Variants in RSPH6A observed in about 807,000 individuals in gnomAD.
RSPH6A encodes radial spoke head 6 homolog A.
Under a neutral mutation model 66.1 loss-of-function variants are expected in RSPH6A, and 49 were observed. The observed-to-expected ratio is 0.74, with a 90% CI of 0.59 to 0.94. The LOEUF (loss-of-function observed/expected upper bound fraction) is 0.94, where lower values mean the gene tolerates loss of function less well. Among genes scored for constraint, RSPH6A ranks in the 40% least tolerant of loss-of-function variants. RSPH6A has a pLI of 0.00. For missense variants in RSPH6A, 977 were observed against 948.3 expected (o/e 1.03, Z -0.40); for synonymous variants, 419 against 402.4 (o/e 1.04, Z -0.49).
chr19:45,809,700 T>C (rs1970597240), intron 2 of RSPH6A, among the ~76,000 whole-genome samples: 1 of 151,416 alleles, frequency 6.6e-6, no homozygotes, highest in African/African-American at 2.4e-5. Flanking sequence ...AACAGGAGAG[T>C]CCTAGAGCAG....
chr19:45,800,666 G>A, intron 4 of RSPH6A, 103 bp from the exon 5 acceptor site: 1 of 929,324 alleles, frequency 1.1e-6, no homozygotes, highest in South Asian at 1.7e-5. Flanking sequence ...GAGGCCTGGA[G>A]GGGCATGAGG....
intron 3 of RSPH6A, among the ~76,000 whole-genome samples, chr19:45,803,900 G>A (rs1970504823): frequency 6.6e-6 from 1 of 151,378 alleles, no homozygotes; most frequent in East Asian, 1.9e-4. Context: ...GGCTGAGGCG[G>A]GACAATCGCT....
Position 45,804,841 on chromosome 19 carries a change from TA to T in RSPH6A, c.1063del (p.Tyr355ThrfsTer23). 1 of 1,614,106 alleles carries T rather than the reference TA, an allele frequency of 6.2e-7. No homozygotes were observed. Among genetic ancestry groups the T allele is most frequent in the Non-Finnish European group, 8.5e-7 (1 of 1,180,006 alleles). On this transcript the variant is annotated frameshift_variant, in exon 3 of 6. Transcript: ENST00000221538. LOFTEE classifies it high-confidence loss of function. The surrounding 1 kb of genome is among the most constrained non-coding windows in gnomAD (Gnocchi z 5.8). ...CCGGAATTCCACCTCGGCCACCAGG[TA>T]GCTGCGTTTGATTCCCAGGATCTTG... The part of the protein sequence containing the change: ...WGKILGIKRS[Y>X]LVAEVEFREG...
At position 45,801,988 on chromosome 19, in the gene RSPH6A, T is replaced by C. The variant is rs1970479543; in HGVS notation, c.1798+132A>G. On this transcript the variant is annotated intron_variant, in intron 4 of 5. Coordinates refer to ENST00000221538, the MANE Select transcript of RSPH6A (RefSeq NM_030785.4). ...GATGGGGCCACTGTGATTACACCCA[T>C]TTTTTAGCTGAGAGAGCCTCTGAGC... The C allele has an allele frequency of 3.2e-6, 3 of 927,168 alleles. No homozygotes were observed. The South Asian group carries it at 1.3e-4, about 41-fold the overall frequency. 57.4% of individuals were successfully genotyped at this position (927,168 alleles called of 1,614,324 possible). A position where few individuals can be genotyped will look rare whatever the true frequency, so the allele number is the denominator to read the frequency against.
rs202212190 is a variant in RSPH6A, at chr19:45,814,702, C to T, written c.475G>A (p.Glu159Lys). ...ATGTAAGGCCCGTGCTGGGCACCTTCAGAGAACTGGTCTGTCTGGTAGAGG... is the reference window on the plus strand; with the variant it reads ...ATGTAAGGCCCGTGCTGGGCACCTTTAGAGAACTGGTCTGTCTGGTAGAGG... ...FNLYQTDQFS[E>K]GAQHGPYIRD... Residue 159 changes from glutamate (E) to lysine (K), a missense_variant, in exon 1 of 6, where the codon GAA becomes AAA. Transcript: ENST00000221538. 6 of 1,612,978 alleles carry T rather than the reference C, an allele frequency of 3.7e-6. No individual in the cohort carries two copies. The highest frequency in any genetic ancestry group is 4.2e-6 in the Non-Finnish European group (5 of 1,179,508).
chr19:45,814,878 G>C lies in RSPH6A; in HGVS notation c.299C>G (p.Pro100Arg). The change falls in exon 1 of 6, where the codon CCT (proline) becomes CGT (arginine). Residue 100 changes from proline (P) to arginine (R), a missense_variant. Coordinates refer to ENST00000221538, the MANE Select transcript of RSPH6A (RefSeq NM_030785.4). ...CCTGCTTTCATCAGAGTAAGGCTGA[G>C]GCTGGAACTCTGAGGGAAAGCCCGT... ...VNTGFPSEFQ[P>R]QPYSDESRMQ... 1 of 1,614,138 alleles carries C rather than the reference G, an allele frequency of 6.2e-7. No homozygotes were observed. The highest frequency in any genetic ancestry group is 8.5e-7 in the Non-Finnish European group (1 of 1,180,040).
At chr19:45,805,321 G>A (rs371556900) in intron 2 of RSPH6A, among the ~76,000 whole-genome samples, 4 of 151,800 alleles carry the variant, frequency 2.6e-5, no homozygotes, top group Non-Finnish European at 2.9e-5. Flanking sequence ...CACTTGAACC[G>A]GGGAGGCGGA....
At chr19:45,814,300 G>C (rs1055310279) in intron 1 of RSPH6A, among the ~76,000 whole-genome samples, 2 of 152,234 alleles carry the variant, frequency 1.3e-5, no homozygotes, top group African/African-American at 4.8e-5. Flanking sequence ...AGTAGGATGA[G>C]CTGATGTGCT....
intron 1 of RSPH6A, 162 bp from the exon 2 acceptor site, chr19:45,811,002 A>G (rs1970620405): frequency 4.0e-6 from 2 of 495,250 alleles, no homozygotes; most frequent in Admixed American, 7.6e-5. Context: ...ATTTTTATTT[A>G]TTTAGTTTTT....
At chr19:45,802,079 C>T in intron 4 of RSPH6A, 41 bp downstream of exon 4, 2 of 1,358,772 alleles carry the variant, frequency 1.5e-6, no homozygotes, top group South Asian at 2.2e-5. Context: ...CTTCCCAGCC[C>T]TCCCCAGCCA....
At chr19:45,803,386 G>GA (rs996426725) in intron 3 of RSPH6A, among the ~76,000 whole-genome samples, 119 of 148,044 alleles carry the variant, frequency 8.0e-4, no homozygotes, top group African/African-American at 2.6e-3. Flanking sequence ...TGTCTTAAAA[G>GA]AAAAAAAAAG....
Position 45,812,790 on chromosome 19 carries a change from G to T in RSPH6A, c.650+1737C>A, listed in dbSNP as rs563638384. Among the ~76,000 whole-genome samples, 5 of 152,006 alleles carry T rather than the reference G, an allele frequency of 3.3e-5. No individual in the cohort carries two copies. The East Asian group carries it at 9.7e-4, about 30-fold the overall frequency. ...GGCTCACTGCAGCCTCTGCCTCCCGGTTCAAGTGATTCTCCTGCCTCAGCC... is the reference window on the plus strand; with the variant it reads ...GGCTCACTGCAGCCTCTGCCTCCCGTTTCAAGTGATTCTCCTGCCTCAGCC... On this transcript the variant is annotated intron_variant, in intron 1 of 5. Coordinates refer to ENST00000221538, the MANE Select transcript of RSPH6A (RefSeq NM_030785.4).
chr19:45,808,985 T>C (rs1327210102), intron 2 of RSPH6A, among the ~76,000 whole-genome samples: 1 of 144,304 alleles, frequency 6.9e-6, no homozygotes, highest in Non-Finnish European at 1.5e-5. Flanking sequence ...TCAAAACTTT[T>C]CTTTTTTTTG....
At chr19:45,798,838 CAAA>C (rs71338800) in intron 5 of RSPH6A, among the ~76,000 whole-genome samples, 3 of 77,396 alleles carry the variant, frequency 3.9e-5, no homozygotes, top group African/African-American at 4.9e-5. Flanking sequence ...GACTCTATCT[CAAA>C]AAAAAAAAAA....
intron 5 of RSPH6A, among the ~76,000 whole-genome samples, chr19:45,798,849 AAAAG>A (rs1195555113): frequency 5.9e-5 from 9 of 151,854 alleles, no homozygotes; most frequent in African/African-American, 1.7e-4. Flanking sequence ...AAAAAAAAAA[AAAAG>A]AAAGAAAAGA....
Position 45,802,267 on chromosome 19 carries a change from G to C in RSPH6A, c.1654-3C>G, listed in dbSNP as rs778593684. Reference sequence around the variant, plus strand: ...GGGTTCACCCAAGTGCAGCGGCCCTGGGGGTGGGGGGAAGCTCAGGTGATG... The same window carrying C: ...GGGTTCACCCAAGTGCAGCGGCCCTCGGGGTGGGGGGAAGCTCAGGTGATG... On this transcript the variant is annotated splice_region_variant and splice_polypyrimidine_tract_variant and intron_variant, in intron 3 of 5. Coordinates refer to ENST00000221538, the MANE Select transcript of RSPH6A (RefSeq NM_030785.4). 2.2e-6 allele frequency: 3 copies of C among 1,379,848 alleles called. No homozygotes were observed. The highest frequency in any genetic ancestry group is 2.9e-6 in the Non-Finnish European group (3 of 1,051,368). The allele number at this position is 1,379,848 out of a possible 1,614,324, so 85.5% of individuals were successfully genotyped here.
In RSPH6A at chr19:45,810,559, C is replaced by T. The variant is rs868625314; in HGVS notation, c.888+44G>A. The T allele has an allele frequency of 3.8e-6, 6 of 1,565,946 alleles. No individual in the cohort carries two copies. In the African/African-American group the frequency reaches 4.1e-5, roughly 11 times the overall value. On this transcript the variant is annotated intron_variant, in intron 2 of 5. Coordinates refer to ENST00000221538, the MANE Select transcript of RSPH6A (RefSeq NM_030785.4). The stretch of plus-strand genomic sequence containing the variant: ...GGCTGTGCCCTAAGTATGCTTGGGC[C>T]CCCACTGACCCTGATGCCCACCTCT...
At position 45,814,727 on chromosome 19, in the gene RSPH6A, G is replaced by A. The variant is rs766306881; in HGVS notation, c.450C>T (p.Asn150=). 5.6e-6 allele frequency: 9 copies of A among 1,613,800 alleles called. No individual in the cohort carries two copies. The highest frequency in any genetic ancestry group is 6.8e-6 in the Non-Finnish European group (8 of 1,179,862). Residue 150 remains asparagine (N), a synonymous_variant, in exon 1 of 6, where the codon AAC becomes AAT. Transcript: ENST00000221538. Reference sequence around the variant, plus strand: ...CAGAGAACTGGTCTGTCTGGTAGAGGTTGAACTGGCCCAAGGGGTTGACTG... The same window carrying A: ...CAGAGAACTGGTCTGTCTGGTAGAGATTGAACTGGCCCAAGGGGTTGACTG... ...EPPVNPLGQF[N]LYQTDQFSEG... is the part of the protein sequence containing the mutation.
At chr19:45,803,296 C>A (rs528961950) in intron 3 of RSPH6A, among the ~76,000 whole-genome samples, 1 of 151,456 alleles carries the variant, frequency 6.6e-6, no homozygotes, top group South Asian at 2.1e-4. Context: ...GGGAGGATTG[C>A]TTGAGCCCTG....
Sources: gnomAD v4.1 joint callset for allele counts (sites outside exome capture counted in the v4.1 genomes callset) on GRCh38, gnomAD v4.1.1 for gene constraint, Gnocchi (gnomAD v3.1) non-coding constraint, MANE v1.5 for transcripts, NCBI Gene and HGNC (gene_info 2026-07-23, HGNC 2026-07-21) for gene names.